Variants in DCN observed in about 807,000 individuals in gnomAD.
DCN encodes bone proteoglycan II.
In DCN, 17 loss-of-function variants were observed where a neutral mutation model predicts 36.5. The ratio of observed to expected loss-of-function variants is 0.47; its 90% CI spans 0.32 to 0.70. The LOEUF is 0.70. Among genes scored for constraint, DCN ranks in the 30% least tolerant of loss-of-function variants. The pLI, the probability that DCN is intolerant of heterozygous loss-of-function variation, is 0.04. For synonymous variants in DCN, 163 were observed against 161.4 expected (o/e 1.01, Z -0.07); for missense variants, 389 against 430.1 (o/e 0.90, Z 0.84).
At chr12:91,181,382 T>C (rs1487144436) in intron 1 of DCN, among the ~76,000 whole-genome samples, 1 of 152,084 alleles carries the variant, frequency 6.6e-6, no homozygotes, top group Non-Finnish European at 1.5e-5. Flanking sequence ...CCTTTCGTCA[T>C]TTCCTTCTTT....
At chr12:91,174,237 T>C (rs1883154908) in intron 2 of DCN, among the ~76,000 whole-genome samples, 1 of 152,134 alleles carries the variant, frequency 6.6e-6, no homozygotes, top group Non-Finnish European at 1.5e-5. Context: ...CTTGTCTATT[T>C]ACATTTGGAG....
Position 91,164,863 on chromosome 12 carries a change from A to T in DCN, c.212-146T>A, listed in dbSNP as rs1471509216. On this transcript the variant is annotated intron_variant, in intron 2 of 7. Transcript: ENST00000052754. ...TTTTCTTCTTCTAAGAATTACATTC[A>T]TTGTAGGGTAAAATTTTTGCTTTAT... is the stretch of plus-strand genomic sequence containing the variant. 5 of 637,398 alleles carry T rather than the reference A, an allele frequency of 7.8e-6. No homozygotes were observed. In the East Asian group the frequency reaches 1.4e-4, roughly 18 times the overall value. 39.5% of individuals were successfully genotyped at this position (637,398 alleles called of 1,614,324 possible).
In DCN at chr12:91,158,440, C is replaced by A. The variant is rs754450177; in HGVS notation, c.394G>T (p.Glu132Ter). ...TGATTCTTGGACAGATAAAGTCGTT[C>A]CAACTTCACCAAAGGTGTAAATGCT... ...PGAFTPLVKLERLYLSKNQLK... is the reference protein window; with the variant it reads ...PGAFTPLVKL The change falls in exon 4 of 8, where the codon GAA (glutamate) becomes TAA (stop). Residue 132 changes from glutamate to a stop codon, truncating the protein, a stop_gained. Transcript: ENST00000052754. LOFTEE classifies it high-confidence loss of function. 6.2e-7 allele frequency: 1 copy of A among 1,610,716 alleles called. No homozygotes were observed. The highest frequency in any genetic ancestry group is 1.1e-5 in the South Asian group (1 of 90,998).
At chr12:91,164,584 T>A in intron 3 of DCN, 21 bp downstream of exon 3, 1 of 1,358,102 alleles carries the variant, frequency 7.4e-7, no homozygotes, top group Non-Finnish European at 1.1e-6. Context: ...TTATTGTGAG[T>A]TAAAAAAAAA....
intron 2 of DCN, among the ~76,000 whole-genome samples, chr12:91,169,386 A>AAAAC: frequency 6.7e-6 from 1 of 148,564 alleles, no homozygotes; most frequent in Non-Finnish European, 1.5e-5. Context: ...GTCAAAAAAA[A>AAAAC]AAAAAAAAAA....
At chr12:91,151,613 C>T (rs1421556783) in intron 7 of DCN, 41 bp downstream of exon 7, 3 of 1,612,970 alleles carry the variant, frequency 1.9e-6, no homozygotes, top group African/African-American at 2.7e-5. Context: ...GGGGGTCTTG[C>T]TTTTTGGATA....
chr12:91,149,915 G>T (rs1400031683), intron 7 of DCN, among the ~76,000 whole-genome samples: 2 of 152,056 alleles, frequency 1.3e-5, no homozygotes, highest in Non-Finnish European at 2.9e-5. Flanking sequence ...TTGAGAAAAA[G>T]AAAAGAAGAT....
intron 2 of DCN, chr12:91,177,658 G>A (rs149223784): frequency 1.4e-6 from 1 of 701,526 alleles, no homozygotes; most frequent in Non-Finnish European, 2.6e-6. Context: ...TGTCTTTAGG[G>A]TGTTAGGCTA....
At position 91,141,205 on chromosome 12, in the gene DCN, C is replaced by A. The variant is rs190007825; in HGVS notation, c.*4853G>T. On this transcript the variant is annotated 3_prime_UTR_variant, in exon 8 of 8. Coordinates refer to ENST00000052754, the MANE Select transcript of DCN (RefSeq NM_001920.5). ...GAGTAAAAGCTCATCTTTACAATGG[C>A]CTAAAAAGTCCTACAGGATGCGATT... The A allele has an allele frequency of 5.3e-5, 8 of 152,240 alleles. No individual in the cohort carries two copies. Among genetic ancestry groups the A allele is most frequent in the Non-Finnish European group, 1.2e-4 (8 of 68,034 alleles). The allele number at this position is 152,240 out of a possible 1,614,324, so 9.4% of individuals were successfully genotyped here. A position where few individuals can be genotyped will look rare whatever the true frequency, so the allele number is the denominator to read the frequency against.
At chr12:91,171,086 A>T (rs760756535) in intron 2 of DCN, among the ~76,000 whole-genome samples, 60 of 152,330 alleles carry the variant, frequency 3.9e-4, no homozygotes, top group Middle Eastern at 3.4e-3. Flanking sequence ...TGTATCAATT[A>T]GCCAGGTTCA....
At position 91,177,453 on chromosome 12, in the gene DCN, T is replaced by A. The variant is rs1037994142; in HGVS notation, c.211+889A>T. 3 of 625,216 alleles carry A rather than the reference T, an allele frequency of 4.8e-6. No homozygotes were observed. In the African/African-American group the frequency reaches 5.6e-5, roughly 12 times the overall value. The allele number at this position is 625,216 out of a possible 1,614,324, so 38.7% of individuals were successfully genotyped here. A position where few individuals can be genotyped will look rare whatever the true frequency, so the allele number is the denominator to read the frequency against. On this transcript the variant is annotated intron_variant, in intron 2 of 7. Coordinates refer to ENST00000052754, the MANE Select transcript of DCN (RefSeq NM_001920.5). ...ACATGGCGGAATCATGATATAAAGATTTTTTTTTCTTTTCATCTCCAGTAA... is the reference window on the plus strand; with the variant it reads ...ACATGGCGGAATCATGATATAAAGAATTTTTTTTCTTTTCATCTCCAGTAA...
At chr12:91,149,918 A>T (rs904135519) in intron 7 of DCN, among the ~76,000 whole-genome samples, 1 of 152,220 alleles carries the variant, frequency 6.6e-6, no homozygotes, top group Non-Finnish European at 1.5e-5. Context: ...AGAAAAAGAA[A>T]AGAAGATATA....
At chr12:91,174,333 T>TAATAAGTCTCTAATAAGACTCTA (rs1883160508) in intron 2 of DCN, among the ~76,000 whole-genome samples, 1 of 152,022 alleles carries the variant, frequency 6.6e-6, no homozygotes. Flanking sequence ...TAGAGACTCT[T>TAATAAGTCTCTAATAAGACTCTA]AATAAGTCTC....
In DCN at chr12:91,143,343, A is replaced by G. The variant is rs1880813442; in HGVS notation, c.*2715T>C. 5.3e-5 allele frequency: 8 copies of G among 152,162 alleles called. No homozygotes were observed. Among genetic ancestry groups the G allele is most frequent in the Admixed American group, 5.2e-4 (8 of 15,278 alleles). 9.4% of individuals were successfully genotyped at this position (152,162 alleles called of 1,614,324 possible). A position where few individuals can be genotyped will look rare whatever the true frequency, so the allele number is the denominator to read the frequency against. ...CTGTGAGTTCCTTACAGAGGCCAAT[A>G]AGCAGGAGACAAAAGACAGACATGG... On this transcript the variant is annotated 3_prime_UTR_variant, in exon 8 of 8. Transcript: ENST00000052754.
intron 2 of DCN, chr12:91,177,582 A>T: frequency 1.4e-6 from 1 of 702,374 alleles, no homozygotes. Context: ...CTGGAGATTT[A>T]TCTTCTAAGT....
chr12:91,170,803 C>G (rs1456122606), intron 2 of DCN, among the ~76,000 whole-genome samples: 2 of 152,084 alleles, frequency 1.3e-5, no homozygotes, highest in African/African-American at 4.8e-5. Flanking sequence ...TAGAAATACA[C>G]GAGGACCAGA....
rs973299332 is a variant in DCN at position 91,142,640 on chromosome 12, A to G, written c.*3418T>C. On this transcript the variant is annotated 3_prime_UTR_variant, in exon 8 of 8. Coordinates refer to ENST00000052754, the MANE Select transcript of DCN (RefSeq NM_001920.5). ...TTGAAGAAAAATGCTTTAAAAGATC[A>G]TGAATACTGTGTTCTGGAAAATCTG... The G allele has an allele frequency of 1.3e-5, 2 of 152,210 alleles. No homozygotes were observed. The highest frequency in any genetic ancestry group is 2.1e-4 in the South Asian group (1 of 4,830). The allele number at this position is 152,210 out of a possible 1,614,324, so 9.4% of individuals were successfully genotyped here.
At chr12:91,156,713 A>C (rs1489707928) in intron 5 of DCN, among the ~76,000 whole-genome samples, 1 of 150,474 alleles carries the variant, frequency 6.6e-6, no homozygotes, top group African/African-American at 2.4e-5. Flanking sequence ...TTTTTTTTAC[A>C]AACACCAAGG....
chr12:91,169,399 A>AAAAC, intron 2 of DCN, among the ~76,000 whole-genome samples: 1 of 151,412 alleles, frequency 6.6e-6, no homozygotes, highest in South Asian at 2.1e-4. Flanking sequence ...AAAAAAAAAA[A>AAAAC]AACCAAAAAA....
Sources: gnomAD v4.1 joint callset for allele counts (sites outside exome capture counted in the v4.1 genomes callset) on GRCh38, gnomAD v4.1.1 for gene constraint, MANE v1.5 for transcripts, NCBI Gene and HGNC (gene_info 2026-07-23, HGNC 2026-07-21) for gene names.